COMMD1: variants seen among roughly 807,000 people sequenced by gnomAD.
The protein encoded by COMMD1 is copper metabolism domain containing 1, also known as COMM domain-containing protein 1.
A neutral mutation model predicts 17.2 loss-of-function variants in COMMD1; 10 were observed. The ratio of observed to expected loss-of-function variants is 0.58; its 90% CI spans 0.36 to 0.99. The LOEUF (loss-of-function observed/expected upper bound fraction) is 0.99. Ranked by LOEUF, COMMD1 falls within the 50% of genes least tolerant of loss-of-function variation. The pLI is 0.01. For synonymous variants in COMMD1, 97 were observed against 91.6 expected, an observed-to-expected ratio of 1.06 and a Z score of -0.34; for missense variants, 270 against 231.8, an observed-to-expected ratio of 1.17 and a Z score of -1.07.
chr2:61,997,795 T>G (rs1303613466), intron 1 of COMMD1, among the ~76,000 whole-genome samples: 1 of 152,218 alleles, frequency 6.6e-6, no homozygotes, highest in African/African-American at 2.4e-5. Context: ...AGAGTCAGCC[T>G]GTCCTTTGAA....
chr2:62,095,424 A>C (rs1168492995), intron 2 of COMMD1, among the ~76,000 whole-genome samples: 1 of 152,142 alleles, frequency 6.6e-6, no homozygotes, highest in South Asian at 2.1e-4. Context: ...TAGCAAATGC[A>C]AACCGAGAGA....
At chr2:61,895,014 AG>A (rs1669524347) in intron 1 of COMMD1, among the ~76,000 whole-genome samples, 1 of 152,216 alleles carries the variant, frequency 6.6e-6, no homozygotes, top group Non-Finnish European at 1.5e-5. Flanking sequence ...TTTTTAAAAT[AG>A]TACCATGAGG....
chr2:62,127,869 C>T (rs990668613), intron 2 of COMMD1, among the ~76,000 whole-genome samples: 5 of 151,530 alleles, frequency 3.3e-5, no homozygotes, highest in Non-Finnish European at 5.9e-5. Flanking sequence ...ACTAAAAATA[C>T]AAAAAAATTA....
At chr2:62,025,416 G>C (rs1669727691) in intron 2 of COMMD1, among the ~76,000 whole-genome samples, 1 of 151,876 alleles carries the variant, frequency 6.6e-6, no homozygotes, top group Non-Finnish European at 1.5e-5. Context: ...TGTAGTCCCA[G>C]CTACTTGGAA....
At position 62,135,923 on chromosome 2, in the gene COMMD1, G is replaced by A; in HGVS notation, c.555G>A (p.Leu185=). The A allele has an allele frequency of 6.3e-7, 1 of 1,588,304 alleles. No individual in the cohort carries two copies. Among genetic ancestry groups the A allele is most frequent in the Non-Finnish European group, 8.6e-7 (1 of 1,156,510 alleles). ...AGGTAGAAGAAAGTATCAGCACACT[G>A]ATCAGCCAGCCTAACTGAAGATGAT... ...LSEVEESIST[L]ISQPN is the part of the protein sequence containing the mutation. The change falls in exon 3 of 3, where the codon CTG becomes CTA. Residue 185 remains leucine (L), a synonymous_variant. Coordinates refer to ENST00000311832, the MANE Select transcript of COMMD1 (RefSeq NM_152516.4).
chr2:61,959,385 T>C (rs1671281624), intron 1 of COMMD1, among the ~76,000 whole-genome samples: 1 of 152,154 alleles, frequency 6.6e-6, no homozygotes, highest in African/African-American at 2.4e-5. Flanking sequence ...GAAAGAAAAT[T>C]TTTATTTTTA....
At chr2:61,919,953 C>T (rs1203274956) in intron 1 of COMMD1, among the ~76,000 whole-genome samples, 1 of 151,994 alleles carries the variant, frequency 6.6e-6, no homozygotes, top group Admixed American at 6.6e-5. Flanking sequence ...ATAGGGAGCC[C>T]CTGTCTCTAC....
chr2:62,072,243 A>G (rs1413294474), intron 2 of COMMD1, among the ~76,000 whole-genome samples: 1 of 152,118 alleles, frequency 6.6e-6, no homozygotes, highest in African/African-American at 2.4e-5. Context: ...AGACAAATTA[A>G]AGCCTGAAAA....
chr2:62,008,692 A>T lies in COMMD1; in HGVS notation c.462+7710A>T, dbSNP rs548524352. Among the ~76,000 whole-genome samples, 26 of 152,362 alleles carry T rather than the reference A, an allele frequency of 1.7e-4. No homozygotes were observed. In the South Asian group the frequency reaches 5.0e-3, roughly 29 times the overall value. On this transcript the variant is annotated intron_variant, in intron 2 of 2. Coordinates refer to ENST00000311832, the MANE Select transcript of COMMD1 (RefSeq NM_152516.4). ...TTAGTGAAACTAGTTTTCTGATAAG[A>T]TATTCAACTATCATTTGTCAGTAGG...
chr2:61,985,137 G>T (rs187318257), intron 1 of COMMD1, among the ~76,000 whole-genome samples: 1 of 150,152 alleles, frequency 6.7e-6, no homozygotes, highest in African/African-American at 2.5e-5. Context: ...TGCAAGCTCC[G>T]CCTCCCAGGT....
At chr2:61,989,637 G>GT (rs1204576373) in intron 1 of COMMD1, among the ~76,000 whole-genome samples, 4 of 151,808 alleles carry the variant, frequency 2.6e-5, no homozygotes, top group East Asian at 1.9e-4. Context: ...TTTTTTGTGT[G>GT]TTTTTTTAAT....
chr2:62,038,506 A>G (rs889957134), intron 2 of COMMD1, among the ~76,000 whole-genome samples: 2 of 151,952 alleles, frequency 1.3e-5, no homozygotes, highest in South Asian at 2.1e-4. Context: ...TTTCTTTTTT[A>G]AATGTTTTAT....
At chr2:61,892,672 C>A (rs1380169828) in intron 1 of COMMD1, among the ~76,000 whole-genome samples, 6 of 137,046 alleles carry the variant, frequency 4.4e-5, no homozygotes, top group Non-Finnish European at 9.3e-5. Context: ...CCAGCCTGGG[C>A]AACAAGAGGG....
At chr2:61,924,101 G>A (rs1359503784) in intron 1 of COMMD1, among the ~76,000 whole-genome samples, 1 of 152,168 alleles carries the variant, frequency 6.6e-6, no homozygotes, top group Non-Finnish European at 1.5e-5. Flanking sequence ...CTTTAATAGT[G>A]TGAAGCATGA....
At chr2:62,120,889 A>G (rs537994413) in intron 2 of COMMD1, among the ~76,000 whole-genome samples, 18 of 152,008 alleles carry the variant, frequency 1.2e-4, no homozygotes, top group African/African-American at 4.1e-4. Context: ...TATCCAGCTA[A>G]TTTTTGTTTT....
intron 1 of COMMD1, among the ~76,000 whole-genome samples, chr2:61,891,841 T>C (rs979598101): frequency 1.3e-5 from 2 of 152,052 alleles, no homozygotes; most frequent in Non-Finnish European, 2.9e-5. Flanking sequence ...TATTTATTTA[T>C]TTATTTTTGA....
At chr2:61,901,094 C>T (rs1669646448), upstream of COMMD1, among the ~76,000 whole-genome samples, 1 of 151,858 alleles carries the variant, frequency 6.6e-6, no homozygotes, top group Non-Finnish European at 1.5e-5. Context: ...TTACAGGCAC[C>T]TGCCACCGCA....
At chr2:62,042,818 C>T (rs1670273080) in intron 2 of COMMD1, among the ~76,000 whole-genome samples, 1 of 152,166 alleles carries the variant, frequency 6.6e-6, no homozygotes, top group Non-Finnish European at 1.5e-5. Context: ...TTGTATGCTG[C>T]CATTGAGGTA....
At chr2:61,986,819 T>G (rs1672118749) in intron 1 of COMMD1, among the ~76,000 whole-genome samples, 1 of 152,136 alleles carries the variant, frequency 6.6e-6, no homozygotes, top group Non-Finnish European at 1.5e-5. Context: ...TCTGCCTGCC[T>G]TGGCCTCCCA....
Sources: allele counts gnomAD v4.1 joint callset (sites outside exome capture counted in the v4.1 genomes callset), GRCh38; gene constraint gnomAD v4.1.1; transcripts MANE v1.5; gene names NCBI Gene and HGNC (gene_info 2026-07-23, HGNC 2026-07-21).